Variants in MSH6 observed in about 807,000 individuals in gnomAD.
MSH6 encodes the protein DNA mismatch repair protein Msh6.
Under a neutral mutation model 119.1 loss-of-function variants are expected in MSH6, and 85 were observed. The ratio of observed to expected loss-of-function variants is 0.71; its 90% CI spans 0.60 to 0.85. MSH6 has a LOEUF of 0.85. MSH6 is among the 40% of genes least tolerant of loss of function. MSH6 has a pLI of 0.00. For missense variants in MSH6, 2,163 were observed against 1,655.3 expected (o/e 1.31, Z -5.32); for synonymous variants, 830 against 586.9 (o/e 1.41, Z -5.99).
At chr2:47,790,832 T>C in intron 1 of MSH6, 95 bp from the exon 2 acceptor site, 1 of 1,118,004 alleles carries the variant, frequency 8.9e-7, no homozygotes, top group Non-Finnish European at 1.4e-6. Flanking sequence ...TCAATATTAA[T>C]GCCAGAAGAC....
Position 47,799,587 on chromosome 2 carries a change from A to G in MSH6, c.1604A>G (p.Tyr535Cys), listed in dbSNP as rs376476188. 2 of 1,614,180 alleles carry G rather than the reference A, an allele frequency of 1.2e-6. No homozygotes were observed. The highest frequency in any genetic ancestry group is 1.7e-6 in the Non-Finnish European group (2 of 1,180,022). ...SVLEGDPSEN[Y>C]SKYLLSLKEK... is the part of the protein sequence containing the mutation. ...CTGGAAGGTGATCCCTCTGAGAACTACAGTAAGTATCTTCTTAGCCTCAAA... is the reference window on the plus strand; with the variant it reads ...CTGGAAGGTGATCCCTCTGAGAACTGCAGTAAGTATCTTCTTAGCCTCAAA... The change falls in exon 4 of 10, where the codon TAC (tyrosine) becomes TGC (cysteine). Residue 535 changes from tyrosine to cysteine, a missense_variant. Physicochemically the swap from Tyr to Cys is radical, Grantham distance 194. Transcript: ENST00000234420.
At chr2:47,798,337 C>T (rs572278184) in intron 3 of MSH6, among the ~76,000 whole-genome samples, 5 of 152,256 alleles carry the variant, frequency 3.3e-5, no homozygotes, top group Admixed American at 2.6e-4. Flanking sequence ...CCTACCCCAC[C>T]GAATATTGTA....
At chr2:47,809,904 A>C (rs979748870), downstream of MSH6, 1 of 542,620 alleles carries the variant, frequency 1.8e-6, no homozygotes, top group African/African-American at 1.9e-5. Context: ...CAAAACTGCA[A>C]TTAACTTTCG....
At chr2:47,788,803 C>T (rs543652183) in intron 1 of MSH6, among the ~76,000 whole-genome samples, 2 of 150,808 alleles carry the variant, frequency 1.3e-5, no homozygotes, top group East Asian at 1.9e-4. Context: ...AACTCCTGAC[C>T]TCAGGTGATC....
chr2:47,807,516 G>A (rs935766451), downstream of MSH6: 4 of 209,102 alleles, frequency 1.9e-5, no homozygotes, highest in Non-Finnish European at 2.9e-5. Flanking sequence ...TAGAAAGAAC[G>A]TACATACTGG....
chr2:47,783,973 T>A, intron 1 of MSH6: 1 of 1,030,558 alleles, frequency 9.7e-7, no homozygotes, highest in Non-Finnish European at 1.2e-6. Flanking sequence ...TGGTGTGGGG[T>A]GCGAAAGGAG....
Position 47,806,845 on chromosome 2 carries a change from G to C in MSH6, c.4068G>C (p.Leu1356Phe), listed in dbSNP as rs192740549. ...AAGCTGTCCATAAATTGCTGACTTT[G>C]ATTAAGGAATTATAGACTGACTACA... ...DAEAVHKLLTLIKEL is the reference protein window; with the variant it reads ...DAEAVHKLLTFIKEL The change falls in exon 10 of 10, where the codon TTG becomes TTC. Residue 1356 changes from leucine to phenylalanine, a missense_variant. By Grantham distance (22) the Leu-to-Phe change is conservative (BLOSUM62 0). Coordinates refer to ENST00000234420, the MANE Select transcript of MSH6 (RefSeq NM_000179.3). 9 of 1,610,684 alleles carry C rather than the reference G, an allele frequency of 5.6e-6. No individual in the cohort carries two copies. The Admixed American group carries it at 1.0e-4, about 18-fold the overall frequency.
chr2:47,793,973 C>G (rs919544725), intron 2 of MSH6, among the ~76,000 whole-genome samples: 1 of 150,962 alleles, frequency 6.6e-6, no homozygotes, highest in African/African-American at 2.4e-5. Context: ...CTTAAGTGAT[C>G]CGTCCACCTT....
chr2:47,809,110 G>T (rs374268491), downstream of MSH6: 1 of 1,218,360 alleles, frequency 8.2e-7, no homozygotes, highest in East Asian at 2.4e-5. Flanking sequence ...AATTTAAAAA[G>T]GAAATCAGTC....
In MSH6 at chr2:47,790,942, A is replaced by G. The variant is rs1800932; in HGVS notation, c.276A>G (p.Pro92=). The G allele has an allele frequency of 0.17, 270,898 of 1,613,796 alleles. 24,694 individuals are homozygous for G. Among genetic ancestry groups the G allele is most frequent in the Non-Finnish European group, 0.19 (226,524 of 1,179,660 alleles). The part of the protein sequence containing the change: ...PAAPTSCDFS[P]GDLVWAKMEG... Reference sequence around the variant, plus strand: ...TTGGCAACAGTTGTGACTTCTCACCAGGAGATTTGGTTTGGGCCAAGATGG... The same window carrying G: ...TTGGCAACAGTTGTGACTTCTCACCGGGAGATTTGGTTTGGGCCAAGATGG... The change falls in exon 2 of 10, where the codon CCA becomes CCG. Residue 92 remains proline (P), a synonymous_variant. Transcript: ENST00000234420.
chr2:47,805,770 T>C, intron 7 of MSH6, 63 bp downstream of exon 7: 1 of 1,229,960 alleles, frequency 8.1e-7, no homozygotes, highest in Non-Finnish European at 1.2e-6. Context: ...CAAATAACTA[T>C]TTTTATAGAA....
At chr2:47,789,489 G>A in intron 1 of MSH6, 1 of 446,016 alleles carries the variant, frequency 2.2e-6, no homozygotes, top group Non-Finnish European at 4.6e-6. Flanking sequence ...GCTTAGAAAT[G>A]AAATAATTCT....
chr2:47,797,129 C>G (rs1669145501), intron 3 of MSH6, among the ~76,000 whole-genome samples: 1 of 152,204 alleles, frequency 6.6e-6, no homozygotes, highest in Admixed American at 6.5e-5. Context: ...TTGTTTAGCT[C>G]ATCAGCTATC....
At position 47,796,120 on chromosome 2, in the gene MSH6, G is replaced by A. The variant is rs1669075482; in HGVS notation, c.627+57G>A. The stretch of plus-strand genomic sequence containing the variant: ...ATGTTAGGGTGATGGGGGAAGAAAG[G>A]GGGAGGGTGTATTAACAAGATACCT... On this transcript the variant is annotated intron_variant, in intron 3 of 9. Coordinates refer to ENST00000234420, the MANE Select transcript of MSH6 (RefSeq NM_000179.3). 2.5e-6 allele frequency: 4 copies of A among 1,578,038 alleles called. No individual in the cohort carries two copies. In the South Asian group the frequency reaches 4.4e-5, roughly 18 times the overall value.
chr2:47,784,225 G>C, intron 1 of MSH6: 1 of 1,002,720 alleles, frequency 1.0e-6, no homozygotes, highest in Non-Finnish European at 1.2e-6. Flanking sequence ...GCTGGGATCC[G>C]GCTGGGTCCT....
At chr2:47,806,737 A>AAAAAAC in intron 9 of MSH6, 42 bp from the exon 10 acceptor site, 1 of 1,556,286 alleles carries the variant, frequency 6.4e-7, no homozygotes, top group Admixed American at 1.8e-5. Flanking sequence ...ATGCACTATG[A>AAAAAAC]AAAAACAAAA....
chr2:47,788,650 A>G lies in MSH6; in HGVS notation c.261-2277A>G, dbSNP rs1418196740. 3.6e-5 allele frequency among the ~76,000 whole-genome samples: 5 copies of G among 138,170 alleles called. 1 individual carries two copies. The highest frequency in any genetic ancestry group is 1.4e-4 in the African/African-American group (5 of 36,740). 90.6% of individuals were successfully genotyped at this position (138,170 alleles called of 152,430 possible). A position where few individuals can be genotyped will look rare whatever the true frequency, so the allele number is the denominator to read the frequency against. ...AGTGGCATGATCTGGGCTCACTGCA[A>G]CCTCCACCTCCCGGGTTCAAGGGAG... On this transcript the variant is annotated intron_variant, in intron 1 of 9. Coordinates refer to ENST00000234420, the MANE Select transcript of MSH6 (RefSeq NM_000179.3).
chr2:47,800,274 C>A lies in MSH6; in HGVS notation c.2291C>A (p.Thr764Asn), dbSNP rs561198849. The A allele has an allele frequency of 1.1e-5, 17 of 1,614,040 alleles. No homozygotes were observed. The highest frequency in any genetic ancestry group is 6.6e-5 in the South Asian group (6 of 91,086). ...TEGTLLERVD[T>N]CHTPFGKRLL... Reference sequence around the variant, plus strand: ...GGAACCCTACTAGAGAGGGTTGATACTTGCCATACTCCTTTTGGTAAGCGG... The same window carrying A: ...GGAACCCTACTAGAGAGGGTTGATAATTGCCATACTCCTTTTGGTAAGCGG... Residue 764 changes from threonine to asparagine, a missense_variant, in exon 4 of 10, where the codon ACT becomes AAT. Coordinates refer to ENST00000234420, the MANE Select transcript of MSH6 (RefSeq NM_000179.3).
chr2:47,799,760 C>G lies in MSH6; in HGVS notation c.1777C>G (p.Gln593Glu), dbSNP rs751179784. 3 of 1,614,138 alleles carry G rather than the reference C, an allele frequency of 1.9e-6. No homozygotes were observed. Among genetic ancestry groups the G allele is most frequent in the Admixed American group, 1.7e-5 (1 of 60,022 alleles). The change falls in exon 4 of 10, where the codon CAA becomes GAA. Residue 593 changes from glutamine to glutamate, a missense_variant. Physicochemically the swap from Gln to Glu is conservative, Grantham distance 29 (BLOSUM62 2). Transcript: ENST00000234420. The part of the protein sequence containing the change: ...RTLVAHYPPV[Q>E]VLFEKGNLSK... ...TCTAGTGGCACACTATCCCCCAGTACAAGTTTTATTTGAAAAAGGAAATCT... is the reference window on the plus strand; with the variant it reads ...TCTAGTGGCACACTATCCCCCAGTAGAAGTTTTATTTGAAAAAGGAAATCT...
Sources: gnomAD v4.1 joint callset for allele counts (sites outside exome capture counted in the v4.1 genomes callset) on GRCh38, gnomAD v4.1.1 for gene constraint, MANE v1.5 for transcripts, NCBI Gene and HGNC (gene_info 2026-07-23, HGNC 2026-07-21) for gene names.